EML4: variants seen among roughly 807,000 people sequenced by gnomAD.
The protein encoded by EML4 is echinoderm microtubule-associated protein-like 4.
Under a neutral mutation model 129.0 loss-of-function variants are expected in EML4, and 72 were observed. The ratio of observed to expected loss-of-function variants is 0.56; its 90% confidence interval spans 0.46 to 0.68. The LOEUF (loss-of-function observed/expected upper bound fraction) is 0.68, where lower values mean the gene tolerates loss of function less well. Among genes scored for constraint, EML4 ranks in the 30% least tolerant of loss-of-function variants. The probability of loss-of-function intolerance (pLI) is 0.00; values close to 1 mark genes in which losing one functional copy is unlikely to be tolerated. For synonymous variants in EML4, 532 were observed against 405.0 expected, an observed-to-expected ratio of 1.31 and a Z score of -3.77; for missense variants, 1,363 against 1,190.6, an observed-to-expected ratio of 1.14 and a Z score of -2.13.
chr2:42,302,403 T>G (rs74583658), intron 14 of EML4, among the ~76,000 whole-genome samples: 2,467 of 152,280 alleles, frequency 0.016, 72 homozygotes, highest in African/African-American at 0.057. Flanking sequence ...GCATGTATTA[T>G]TATCCTTATA....
chr2:42,322,342 G>T (rs1282040155), intron 19 of EML4, among the ~76,000 whole-genome samples: 1 of 152,184 alleles, frequency 6.6e-6, no homozygotes. Flanking sequence ...CTACTGCATT[G>T]GACTGCACTG....
At chr2:42,259,761 G>A (rs373309637) in intron 3 of EML4, among the ~76,000 whole-genome samples, 2 of 116,976 alleles carry the variant, frequency 1.7e-5, no homozygotes, top group South Asian at 2.7e-4. Context: ...ACGGCGTCTC[G>A]CTCTGTCACC....
Position 42,295,522 on chromosome 2 carries a change from G to T in EML4, c.1489+6G>T. On this transcript the variant is annotated splice_donor_region_variant and intron_variant, in intron 13 of 22. Transcript: ENST00000318522. ...ACCTGGGAAAGGACCTAAAGGTACAGTATTCTTATATTAAACTCATTTCTG... is the reference window on the plus strand; with the variant it reads ...ACCTGGGAAAGGACCTAAAGGTACATTATTCTTATATTAAACTCATTTCTG... 2 of 1,607,702 alleles carry T rather than the reference G, an allele frequency of 1.2e-6. No individual in the cohort carries two copies. Among genetic ancestry groups the T allele is most frequent in the Non-Finnish European group, 1.7e-6 (2 of 1,178,186 alleles).
In EML4 at chr2:42,178,502, C is replaced by G. The variant is rs575484978; in HGVS notation, c.25+8866C>G. On this transcript the variant is annotated intron_variant, in intron 1 of 22. Coordinates refer to ENST00000318522, the MANE Select transcript of EML4 (RefSeq NM_019063.5). ...GAGGCTGCAGTGAGCTATGATATGC[C>G]ACTGCACTCCAGCCTGGGCAGCAGA... 3.9e-5 allele frequency among the ~76,000 whole-genome samples: 6 copies of G among 152,202 alleles called. No homozygotes were observed. In the South Asian group the frequency reaches 1.2e-3, roughly 32 times the overall value.
intron 19 of EML4, among the ~76,000 whole-genome samples, chr2:42,317,882 A>G (rs1480009363): frequency 2.6e-5 from 4 of 152,222 alleles, no homozygotes; most frequent in African/African-American, 9.6e-5. Context: ...GCCCACCTCA[A>G]CACCCTACAA....
intron 4 of EML4, among the ~76,000 whole-genome samples, chr2:42,262,180 G>C (rs1470594622): frequency 3.3e-5 from 5 of 151,988 alleles, no homozygotes; most frequent in Non-Finnish European, 7.4e-5. Context: ...ATTTTTATTT[G>C]ATCAATTTAA....
At position 42,303,418 on chromosome 2, in the gene EML4, A is replaced by T. The variant is rs1175552716; in HGVS notation, c.1871A>T (p.His624Leu). 6.2e-7 allele frequency: 1 copy of T among 1,614,142 alleles called. No individual in the cohort carries two copies. The highest frequency in any genetic ancestry group is 1.1e-5 in the South Asian group (1 of 91,048). The change falls in exon 16 of 23, where the codon CAC becomes CTC. Residue 624 changes from histidine (H) to leucine (L), a missense_variant. Physicochemically the swap from His to Leu is moderately conservative, Grantham distance 99 (BLOSUM62 -3). Transcript: ENST00000318522. ...GTGTGCCTGTGGAACTCAATGGAACACAGGCTGGAATGGACCAGGCTGGTA... is the reference window on the plus strand; with the variant it reads ...GTGTGCCTGTGGAACTCAATGGAACTCAGGCTGGAATGGACCAGGCTGGTA... ...RQVCLWNSME[H>L]RLEWTRLVDE...
At chr2:42,193,713 T>A (rs1324270867) in intron 1 of EML4, among the ~76,000 whole-genome samples, 1 of 151,666 alleles carries the variant, frequency 6.6e-6, no homozygotes, top group Non-Finnish European at 1.5e-5. Context: ...TGAAGTGGGG[T>A]CTTGGTATGT....
intron 10 of EML4, 151 bp from the exon 11 acceptor site, chr2:42,288,076 A>G (rs1667412273): frequency 7.3e-6 from 3 of 408,750 alleles, no homozygotes; most frequent in Non-Finnish European, 1.3e-5. Context: ...CAATTGTAGT[A>G]AATAGTGTAT....
At chr2:42,254,884 C>T (rs1055701965) in intron 2 of EML4, among the ~76,000 whole-genome samples, 2 of 151,898 alleles carry the variant, frequency 1.3e-5, no homozygotes, top group South Asian at 4.2e-4. Context: ...TGGAAACAAT[C>T]CAGATGATCA....
At position 42,303,241 on chromosome 2, in the gene EML4, G is replaced by GA. The variant is rs1252438752; in HGVS notation, c.1767+13dup. 1.2e-6 allele frequency: 2 copies of GA among 1,613,988 alleles called. No individual in the cohort carries two copies. The highest frequency in any genetic ancestry group is 2.7e-5 in the African/African-American group (2 of 74,912). ...AAATAGAAGTACAGGTAAGCTGTGT[G>GA]ATATTAACCGTTAACTGAATATTTT... is the stretch of plus-strand genomic sequence containing the variant. On this transcript the variant is annotated intron_variant, in intron 15 of 22. Coordinates refer to ENST00000318522, the MANE Select transcript of EML4 (RefSeq NM_019063.5).
At chr2:42,329,508 A>G (rs1669984550) in intron 22 of EML4, among the ~76,000 whole-genome samples, 1 of 152,186 alleles carries the variant, frequency 6.6e-6, no homozygotes, top group African/African-American at 2.4e-5. Flanking sequence ...ATATAGTGTG[A>G]AAATACAGAG....
chr2:42,179,399 A>T (rs1670801956), intron 1 of EML4, among the ~76,000 whole-genome samples: 12 of 152,124 alleles, frequency 7.9e-5, no homozygotes, highest in Admixed American at 7.9e-4. Flanking sequence ...AAATACAATA[A>T]AGGATATTAT....
rs1241715194 is a variant in EML4 at position 42,248,538 on chromosome 2, C to T, written c.208+2851C>T. 3.3e-5 allele frequency among the ~76,000 whole-genome samples: 5 copies of T among 152,052 alleles called. No homozygotes were observed. In the South Asian group the frequency reaches 8.3e-4, roughly 25 times the overall value. On this transcript the variant is annotated intron_variant, in intron 2 of 22. Transcript: ENST00000318522. ...TCCTTTCTGGTCCTTTTCTAATTAT[C>T]CTTAGTCATAATTCCTATGTCTCTA...
chr2:42,326,624 G>A (rs1200677964), intron 21 of EML4, among the ~76,000 whole-genome samples: 2 of 152,236 alleles, frequency 1.3e-5, no homozygotes, highest in Non-Finnish European at 2.9e-5. Context: ...GCTCACACCT[G>A]TAATTCTAGC....
At chr2:42,256,081 T>G (rs1676132512) in intron 2 of EML4, among the ~76,000 whole-genome samples, 1 of 152,230 alleles carries the variant, frequency 6.6e-6, no homozygotes, top group Non-Finnish European at 1.5e-5. Context: ...TTTATTTGTA[T>G]GGAGTAACAG....
At position 42,257,876 on chromosome 2, in the gene EML4, T is replaced by C. The variant is rs149234987; in HGVS notation, c.338+1246T>C. ...AAAATTCCTTCTGGAACTCAATCTT[T>C]GTCGTCGTCATTACAGAATCTAGAC... On this transcript the variant is annotated intron_variant, in intron 3 of 22. Transcript: ENST00000318522. 1.2e-3 allele frequency among the ~76,000 whole-genome samples: 183 copies of C among 152,176 alleles called. 4 individuals carry two copies. In the East Asian group the frequency reaches 0.027, roughly 22 times the overall value.
intron 17 of EML4, among the ~76,000 whole-genome samples, chr2:42,309,510 C>G (rs1364940290): frequency 1.4e-5 from 2 of 144,724 alleles, no homozygotes; most frequent in African/African-American, 5.1e-5. Flanking sequence ...TCTTATGATT[C>G]TACCAGCAAT....
At position 42,302,019 on chromosome 2, in the gene EML4, A is replaced by G. The variant is rs115128068; in HGVS notation, c.1641+627A>G. On this transcript the variant is annotated intron_variant, in intron 14 of 22. Transcript: ENST00000318522. ...TAGGAGTAATTTTAGATCCCACTTGATAAAGTGGGATTTATAATTCCATTA... is the reference window on the plus strand; with the variant it reads ...TAGGAGTAATTTTAGATCCCACTTGGTAAAGTGGGATTTATAATTCCATTA... 9.8e-3 allele frequency among the ~76,000 whole-genome samples: 1,498 copies of G among 152,200 alleles called. 20 individuals are homozygous for G. The highest frequency in any genetic ancestry group is 0.038 in the Middle Eastern group (11 of 292).
Sources: gnomAD v4.1 joint callset for allele counts (sites outside exome capture counted in the v4.1 genomes callset) on GRCh38, gnomAD v4.1.1 for gene constraint, MANE v1.5 for transcripts, NCBI Gene and HGNC (gene_info 2026-07-23, HGNC 2026-07-21) for gene names.